The following FER1L6 variants were observed in gnomAD, a reference collection of about 807,000 sequenced individuals.
The protein encoded by FER1L6 is fer-1-like protein 6.
In FER1L6, 177 loss-of-function variants were observed where a neutral mutation model predicts 219.2. The observed-to-expected ratio is 0.81, with a 90% confidence interval of 0.71 to 0.91. FER1L6 has a LOEUF of 0.91. Ranked by LOEUF, FER1L6 falls within the 40% of genes least tolerant of loss-of-function variation. The pLI, the probability that FER1L6 is intolerant of heterozygous loss-of-function variation, is 0.00. For synonymous variants in FER1L6, 768 were observed against 824.3 expected (o/e 0.93, Z 1.17); for missense variants, 2,153 against 2,259.9 (o/e 0.95, Z 0.96).
chr8:124,032,497 G>A (rs1476106870), intron 18 of FER1L6, among the ~76,000 whole-genome samples: 1 of 152,054 alleles, frequency 6.6e-6, no homozygotes, highest in Non-Finnish European at 1.5e-5. Flanking sequence ...GGAGGCCAAA[G>A]GGGGGCAGAT....
At chr8:123,884,700 G>A (rs1241245099) in intron 1 of FER1L6, among the ~76,000 whole-genome samples, 1 of 152,120 alleles carries the variant, frequency 6.6e-6, no homozygotes, top group Non-Finnish European at 1.5e-5. Context: ...GCAGAGTGTA[G>A]GGAACCCCCA....
intron 12 of FER1L6, among the ~76,000 whole-genome samples, chr8:123,994,974 G>C (rs1193344007): frequency 1.3e-5 from 2 of 152,232 alleles, no homozygotes; most frequent in Non-Finnish European, 2.9e-5. Context: ...CCATGGCCTG[G>C]ATTGTGAGAT....
At chr8:124,018,665 C>G (rs1352846079) in intron 16 of FER1L6, among the ~76,000 whole-genome samples, 1 of 152,130 alleles carries the variant, frequency 6.6e-6, no homozygotes, top group African/African-American at 2.4e-5. Flanking sequence ...ATTTCAATAT[C>G]TTTTTTTAGT....
At chr8:123,943,365 T>C (rs1447538505) in intron 1 of FER1L6, among the ~76,000 whole-genome samples, 1 of 152,118 alleles carries the variant, frequency 6.6e-6, no homozygotes, top group Non-Finnish European at 1.5e-5. Context: ...ATAAAACATA[T>C]TGGCGGCCCC....
chr8:123,973,576 T>A, intron 7 of FER1L6, 64 bp downstream of exon 7: 1 of 1,176,990 alleles, frequency 8.5e-7, no homozygotes, highest in South Asian at 1.2e-5. Flanking sequence ...CCTGGAGTCA[T>A]CCCATTCATT....
intron 17 of FER1L6, 23 bp from the exon 18 acceptor site, chr8:124,023,420 TC>T (rs1232969402): frequency 6.2e-7 from 1 of 1,608,582 alleles, no homozygotes; most frequent in African/African-American, 1.3e-5. Context: ...TCCTATTCAA[TC>T]CCAACTCCCT....
intron 33 of FER1L6, among the ~76,000 whole-genome samples, chr8:124,086,103 G>C (rs1283596290): frequency 2.0e-5 from 3 of 151,922 alleles, no homozygotes; most frequent in Admixed American, 1.3e-4. Context: ...TATCTTTATA[G>C]GTAAAGTATG....
intron 12 of FER1L6, among the ~76,000 whole-genome samples, chr8:123,988,564 G>GTATTT (rs781249160): frequency 2.0e-4 from 31 of 151,988 alleles, no homozygotes; most frequent in Non-Finnish European, 4.1e-4. Flanking sequence ...TTATTCCTAG[G>GTATTT]TATTTTATTT....
chr8:123,934,696 C>T (rs1317350528), intron 1 of FER1L6, among the ~76,000 whole-genome samples: 1 of 152,074 alleles, frequency 6.6e-6, no homozygotes, highest in Non-Finnish European at 1.5e-5. Context: ...ATGGTTTTAG[C>T]CTCTGATGTG....
In FER1L6 at chr8:124,023,488, C is replaced by G; in HGVS notation, c.2178C>G (p.Asn726Lys). The change falls in exon 18 of 41, where the codon AAC (asparagine) becomes AAG (lysine). Residue 726 changes from asparagine to lysine, a missense_variant. Asn to Lys is a moderately conservative substitution (Grantham distance 94, BLOSUM62 0). Coordinates refer to ENST00000522917, the MANE Select transcript of FER1L6 (RefSeq NM_001039112.2). The part of the protein sequence containing the change: ...IPDVFIWMLS[N>K]NRRVAYARIA... ...ACGTTTTCATCTGGATGCTCAGCAA[C>G]AACAGGAGAGTGGCCTATGCCCGCA... 6.2e-7 allele frequency: 1 copy of G among 1,614,214 alleles called. No homozygotes were observed. The highest frequency in any genetic ancestry group is 2.2e-5 in the East Asian group (1 of 44,886).
intron 12 of FER1L6, among the ~76,000 whole-genome samples, chr8:123,994,710 G>T (rs1049037664): frequency 6.6e-6 from 1 of 152,170 alleles, no homozygotes; most frequent in African/African-American, 2.4e-5. Flanking sequence ...TTGTCCCCCA[G>T]TTCTGGCCAA....
chr8:124,003,376 A>G, intron 13 of FER1L6, 29 bp downstream of exon 13: 7 of 1,565,850 alleles, frequency 4.5e-6, no homozygotes, highest in Non-Finnish European at 6.1e-6. Context: ...GAGAACAGTC[A>G]AGGATTTTGC....
chr8:123,962,566 AT>A (rs1357681173), intron 2 of FER1L6, among the ~76,000 whole-genome samples: 3 of 152,142 alleles, frequency 2.0e-5, no homozygotes, highest in African/African-American at 4.8e-5. Flanking sequence ...AGGAAGTATA[AT>A]GAGGTATGCC....
intron 39 of FER1L6, among the ~76,000 whole-genome samples, chr8:124,113,204 G>A (rs1245679551): frequency 6.6e-6 from 1 of 151,928 alleles, no homozygotes. Flanking sequence ...TAAAAAATTT[G>A]AGCACACAGA....
intron 37 of FER1L6, among the ~76,000 whole-genome samples, chr8:124,098,397 A>G (rs1188487318): frequency 6.6e-6 from 1 of 152,176 alleles, no homozygotes; most frequent in East Asian, 1.9e-4. Context: ...GTGGTATAGC[A>G]TCAGAAAACA....
intron 21 of FER1L6, 118 bp downstream of exon 21, chr8:124,046,019 T>A (rs913184536): frequency 1.6e-6 from 2 of 1,254,820 alleles, no homozygotes; most frequent in Admixed American, 4.4e-5. Context: ...GAACACTAGA[T>A]GTACCTAGAG....
intron 39 of FER1L6, 35 bp downstream of exon 39, chr8:124,103,344 G>A (rs1202188363): frequency 1.9e-6 from 3 of 1,592,498 alleles, no homozygotes; most frequent in African/African-American, 2.7e-5. Flanking sequence ...AGGAGATGGG[G>A]GAAGTTGGGG....
chr8:123,976,061 G>A lies in FER1L6; in HGVS notation c.847G>A (p.Glu283Lys). 1 of 1,613,412 alleles carries A rather than the reference G, an allele frequency of 6.2e-7. No homozygotes were observed. Among genetic ancestry groups the A allele is most frequent in the Non-Finnish European group, 8.5e-7 (1 of 1,179,770 alleles). ...DSKDLVDPFV[E>K]VSFAGQMGRT... ...TAAGGACCTGGTGGATCCCTTTGTGGAGGTCTCCTTTGCTGGGCAGATGGT... is the reference window on the plus strand; with the variant it reads ...TAAGGACCTGGTGGATCCCTTTGTGAAGGTCTCCTTTGCTGGGCAGATGGT... Residue 283 changes from glutamate (E) to lysine (K), a missense_variant, in exon 9 of 41, where the codon GAG becomes AAG. By Grantham distance (56) the Glu-to-Lys change is moderately conservative. Transcript: ENST00000522917.
chr8:123,975,829 T>G (rs1388288614), intron 8 of FER1L6, 69 bp from the exon 9 acceptor site: 1 of 1,273,302 alleles, frequency 7.9e-7, no homozygotes, highest in African/African-American at 1.5e-5. Flanking sequence ...GCCTCCAAAT[T>G]GCTCCTGTCT....
Sources: gnomAD v4.1 joint callset for allele counts (sites outside exome capture counted in the v4.1 genomes callset) on GRCh38, gnomAD v4.1.1 for gene constraint, MANE v1.5 for transcripts, NCBI Gene and HGNC (gene_info 2026-07-23, HGNC 2026-07-21) for gene names.